Variants in AGBL4 observed in about 807,000 individuals in gnomAD.
AGBL4 encodes cytosolic carboxypeptidase 6.
AGBL4 carries 58 observed loss-of-function variants against 66.4 expected under a neutral mutation model. The ratio of observed to expected loss-of-function variants is 0.87; its 90% CI spans 0.71 to 1.09. The LOEUF (loss-of-function observed/expected upper bound fraction) is 1.09, where lower values mean the gene tolerates loss of function less well. AGBL4 is among the 50% of genes least tolerant of loss of function. The probability of loss-of-function intolerance (pLI) is 0.00; values close to 1 mark genes in which losing one functional copy is unlikely to be tolerated. For missense variants in AGBL4, 579 were observed against 631.0 expected (o/e 0.92, Z 0.88); for synonymous variants, 234 against 222.9 (o/e 1.05, Z -0.44).
chr1:49,287,425 C>A (rs1644439311), intron 3 of AGBL4, among the ~76,000 whole-genome samples: 2 of 149,022 alleles, frequency 1.3e-5, no homozygotes, highest in South Asian at 2.1e-4. Context: ...AGTGAACAGG[C>A]AACCTACAAA....
At chr1:49,566,252 C>G (rs936611374) in intron 3 of AGBL4, among the ~76,000 whole-genome samples, 5 of 152,116 alleles carry the variant, frequency 3.3e-5, no homozygotes, top group Non-Finnish European at 7.4e-5. Flanking sequence ...CGAATTTCCT[C>G]CTTTAGCTCA....
At chr1:49,559,158 T>A (rs913948272) in intron 3 of AGBL4, among the ~76,000 whole-genome samples, 4 of 152,180 alleles carry the variant, frequency 2.6e-5, no homozygotes, top group Non-Finnish European at 5.9e-5. Flanking sequence ...CACAGCACAG[T>A]CCTAGTTGTG....
chr1:48,784,500 G>A (rs960565873), intron 6 of AGBL4, among the ~76,000 whole-genome samples: 6 of 152,194 alleles, frequency 3.9e-5, no homozygotes, highest in Non-Finnish European at 1.5e-5. Context: ...TGAGGCCACA[G>A]GGCTTGCCCA....
intron 5 of AGBL4, among the ~76,000 whole-genome samples, chr1:49,029,955 T>A (rs949511553): frequency 6.6e-6 from 1 of 152,178 alleles, no homozygotes; most frequent in Non-Finnish European, 1.5e-5. Context: ...TAAATAGTTA[T>A]GGGACAGGCA....
At chr1:49,688,343 T>C (rs898991282) in intron 3 of AGBL4, among the ~76,000 whole-genome samples, 2 of 152,186 alleles carry the variant, frequency 1.3e-5, no homozygotes, top group African/African-American at 4.8e-5. Context: ...TGTTTTTCTG[T>C]GCAGGGCTTG....
chr1:49,344,620 T>C (rs998646872), intron 3 of AGBL4, among the ~76,000 whole-genome samples: 3 of 152,178 alleles, frequency 2.0e-5, no homozygotes, highest in Non-Finnish European at 2.9e-5. Context: ...AGGGGTTTCC[T>C]TGGAGTAGTG....
At chr1:49,703,896 T>C (rs1007704495) in intron 2 of AGBL4, among the ~76,000 whole-genome samples, 2 of 151,940 alleles carry the variant, frequency 1.3e-5, no homozygotes, top group Non-Finnish European at 1.5e-5. Flanking sequence ...GAAGTGAATA[T>C]ATGAAAATAA....
At chr1:49,870,274 T>C (rs913508361) in intron 1 of AGBL4, among the ~76,000 whole-genome samples, 16 of 152,098 alleles carry the variant, frequency 1.1e-4, no homozygotes, top group Non-Finnish European at 2.2e-4. Flanking sequence ...TTAATGAGAA[T>C]ATAAAGAAAT....
chr1:49,138,518 G>A (rs1646057362), intron 4 of AGBL4, among the ~76,000 whole-genome samples: 1 of 152,184 alleles, frequency 6.6e-6, no homozygotes, highest in Non-Finnish European at 1.5e-5. Flanking sequence ...CATGGAGTCT[G>A]GCTTCTTTCT....
intron 6 of AGBL4, among the ~76,000 whole-genome samples, chr1:48,719,695 A>C (rs978203357): frequency 6.6e-6 from 1 of 152,224 alleles, no homozygotes; most frequent in African/African-American, 2.4e-5. Context: ...CAATAATTAT[A>C]AACACTTATG....
At chr1:49,874,953 C>G (rs1356862104) in intron 1 of AGBL4, among the ~76,000 whole-genome samples, 1 of 142,794 alleles carries the variant, frequency 7.0e-6, no homozygotes, top group Non-Finnish European at 1.5e-5. Context: ...TTAGGTATAT[C>G]TCCCAATGCT....
chr1:49,563,063 T>C (rs910341076), intron 3 of AGBL4, among the ~76,000 whole-genome samples: 40 of 152,092 alleles, frequency 2.6e-4, no homozygotes, highest in African/African-American at 8.7e-4. Flanking sequence ...TTTATTCTCT[T>C]TGAAGCAATT....
chr1:49,969,989 A>G (rs150716446), intron 1 of AGBL4, among the ~76,000 whole-genome samples: 4 of 152,344 alleles, frequency 2.6e-5, no homozygotes, highest in African/African-American at 7.2e-5. Flanking sequence ...CCAAGAATAC[A>G]TGATGGGGAA....
At chr1:48,663,980 G>C (rs1646146983) in intron 6 of AGBL4, among the ~76,000 whole-genome samples, 1 of 152,082 alleles carries the variant, frequency 6.6e-6, no homozygotes, top group Non-Finnish European at 1.5e-5. Flanking sequence ...CTAAAAAACT[G>C]GACAAAATAT....
intron 4 of AGBL4, among the ~76,000 whole-genome samples, chr1:49,144,760 G>C (rs756605284): frequency 2.0e-5 from 3 of 152,200 alleles, no homozygotes; most frequent in African/African-American, 2.4e-5. Flanking sequence ...AACTCTACCT[G>C]CAGGGTCCTG....
chr1:48,954,351 C>A (rs1004124158), intron 5 of AGBL4, among the ~76,000 whole-genome samples: 1 of 152,140 alleles, frequency 6.6e-6, no homozygotes, highest in Admixed American at 6.5e-5. Context: ...CACTTTCTTG[C>A]ACATTATCAA....
chr1:48,663,137 G>A lies in AGBL4; in HGVS notation c.724+15C>T. On this transcript the variant is annotated intron_variant, in intron 7 of 13. Coordinates refer to ENST00000371839, the MANE Select transcript of AGBL4 (RefSeq NM_032785.4). The stretch of plus-strand genomic sequence containing the variant: ...GGATGTGGGTATAGGATACCTATGA[G>A]ATCCTGCCACTCACCTTGGCACACA... 1 of 1,613,212 alleles carries A rather than the reference G, an allele frequency of 6.2e-7. No homozygotes were observed. Among genetic ancestry groups the A allele is most frequent in the South Asian group, 1.1e-5 (1 of 91,064 alleles).
At chr1:48,791,726 A>T (rs1226158176) in intron 6 of AGBL4, among the ~76,000 whole-genome samples, 2 of 152,184 alleles carry the variant, frequency 1.3e-5, no homozygotes, top group African/African-American at 4.8e-5. Context: ...ATGGAGACAA[A>T]ATTAGGGCAT....
rs1184820613 is a variant in AGBL4 at position 49,030,071 on chromosome 1, A to G, written c.594+15513T>C. On this transcript the variant is annotated intron_variant, in intron 5 of 13. Coordinates refer to ENST00000371839, the MANE Select transcript of AGBL4 (RefSeq NM_032785.4). ...TAAAGCTCTTAGAAGAAAACATAGG[A>G]GTAAATCTTTGTGACCTTTGGCCAG... 4.6e-5 allele frequency among the ~76,000 whole-genome samples: 7 copies of G among 152,124 alleles called. No individual in the cohort carries two copies. The East Asian group carries it at 1.4e-3, about 29-fold the overall frequency.
Sources: allele counts gnomAD v4.1 joint callset (sites outside exome capture counted in the v4.1 genomes callset), GRCh38; gene constraint gnomAD v4.1.1; transcripts MANE v1.5; gene names NCBI Gene and HGNC (gene_info 2026-07-23, HGNC 2026-07-21).